The following DOK6 variants were observed in gnomAD, a reference collection of about 807,000 sequenced individuals.
DOK6 encodes docking protein 6.
DOK6 carries 22 observed loss-of-function variants against 44.0 expected under a neutral mutation model. The ratio of observed to expected loss-of-function variants is 0.50; its 90% CI spans 0.36 to 0.71. The LOEUF is 0.71. Among genes scored for constraint, DOK6 ranks in the 30% least tolerant of loss-of-function variants. The pLI is 0.00. For missense variants in DOK6, 340 were observed against 416.4 expected, an observed-to-expected ratio of 0.82 and a Z score of 1.60; for synonymous variants, 166 against 145.5, an observed-to-expected ratio of 1.14 and a Z score of -1.01.
chr18:69,582,416 A>G (rs1983391629), intron 2 of DOK6, among the ~76,000 whole-genome samples: 1 of 152,236 alleles, frequency 6.6e-6, no homozygotes, highest in Admixed American at 6.5e-5. Context: ...GTTAACTTGT[A>G]GATCTCACCT....
chr18:69,748,612 G>A (rs748583449), intron 6 of DOK6, among the ~76,000 whole-genome samples: 16 of 152,086 alleles, frequency 1.1e-4, no homozygotes, highest in Non-Finnish European at 1.8e-4. Context: ...ACCTGCTCCC[G>A]AATGATTTCT....
At chr18:69,607,058 C>A (rs1984018171) in intron 3 of DOK6, among the ~76,000 whole-genome samples, 3 of 151,970 alleles carry the variant, frequency 2.0e-5, no homozygotes, top group Non-Finnish European at 4.4e-5. Flanking sequence ...TTTCCCAAGT[C>A]CCAAAGAGGC....
At chr18:69,605,114 G>GTGTA (rs1555716345) in intron 3 of DOK6, among the ~76,000 whole-genome samples, 1,635 of 148,708 alleles carry the variant, frequency 0.011, 16 homozygotes, top group Middle Eastern at 0.039. Context: ...GTGTGTGTGT[G>GTGTA]TGTGTGTGTG....
chr18:69,609,828 G>A (rs1041754660), intron 3 of DOK6, among the ~76,000 whole-genome samples: 30 of 152,280 alleles, frequency 2.0e-4, no homozygotes, highest in East Asian at 1.3e-3. Flanking sequence ...ACATACAATA[G>A]AGTATTATTC....
chr18:69,597,103 G>A (rs138418410), intron 2 of DOK6, among the ~76,000 whole-genome samples: 216 of 151,676 alleles, frequency 1.4e-3, no homozygotes, highest in African/African-American at 4.5e-3. Flanking sequence ...TGTAATGTTG[G>A]GTTTGTAACA....
intron 2 of DOK6, among the ~76,000 whole-genome samples, chr18:69,589,634 T>C (rs778356882): frequency 1.3e-5 from 2 of 152,132 alleles, no homozygotes; most frequent in African/African-American, 2.4e-5. Flanking sequence ...CCTATTTATG[T>C]ATGTAGTAAA....
chr18:69,590,433 A>C (rs1487303792), intron 2 of DOK6, among the ~76,000 whole-genome samples: 3 of 152,144 alleles, frequency 2.0e-5, no homozygotes, highest in Non-Finnish European at 4.4e-5. Context: ...CGAGATCAGC[A>C]TACTCCAAGT....
intron 2 of DOK6, among the ~76,000 whole-genome samples, chr18:69,584,550 C>T (rs184368897): frequency 1.3e-5 from 2 of 152,270 alleles, no homozygotes; most frequent in Admixed American, 6.5e-5. Context: ...CTTCGGCCTC[C>T]CAAAGTGCTG....
intron 3 of DOK6, among the ~76,000 whole-genome samples, chr18:69,672,010 A>G (rs1985809791): frequency 1.3e-5 from 2 of 152,166 alleles, no homozygotes; most frequent in Admixed American, 1.3e-4. Context: ...TCTGATATTT[A>G]GGGGCTATGA....
At chr18:69,755,378 T>A (rs1473128368) in intron 6 of DOK6, among the ~76,000 whole-genome samples, 2 of 152,178 alleles carry the variant, frequency 1.3e-5, no homozygotes, top group African/African-American at 2.4e-5. Flanking sequence ...TAATTTACCA[T>A]CAATGATCTA....
chr18:69,699,124 A>G (rs769525831), intron 5 of DOK6, among the ~76,000 whole-genome samples: 22 of 152,176 alleles, frequency 1.4e-4, no homozygotes, highest in Non-Finnish European at 2.9e-4. Flanking sequence ...ATCATTATTA[A>G]TAAACACGGA....
chr18:69,709,481 T>A (rs1330044477), intron 5 of DOK6, among the ~76,000 whole-genome samples: 3 of 152,184 alleles, frequency 2.0e-5, no homozygotes, highest in Admixed American at 6.5e-5. Context: ...GTTAAAACTC[T>A]CACAACAAAA....
chr18:69,621,955 G>T (rs1984453292), intron 3 of DOK6, among the ~76,000 whole-genome samples: 1 of 151,994 alleles, frequency 6.6e-6, no homozygotes, highest in Non-Finnish European at 1.5e-5. Context: ...CTTGCTTCTT[G>T]GGAGAACTTA....
chr18:69,821,799 TAA>T (rs1555673048), intron 7 of DOK6, among the ~76,000 whole-genome samples: 33 of 149,250 alleles, frequency 2.2e-4, no homozygotes, highest in Admixed American at 9.3e-4. Context: ...TTTTTTTTTT[TAA>T]AAAAAATCCT....
intron 7 of DOK6, among the ~76,000 whole-genome samples, chr18:69,764,836 G>A (rs73970260): frequency 0.026 from 3,936 of 152,108 alleles, 162 homozygotes; most frequent in African/African-American, 0.088. Context: ...TGTAAAGGTC[G>A]TAGCTTTAGG....
intron 7 of DOK6, among the ~76,000 whole-genome samples, chr18:69,763,577 A>T (rs961353481): frequency 3.3e-4 from 50 of 152,328 alleles, no homozygotes; most frequent in Admixed American, 3.3e-3. Context: ...ACAATCATTT[A>T]AAAAAGAGAA....
At chr18:69,486,772 C>T (rs1056111803) in intron 1 of DOK6, among the ~76,000 whole-genome samples, 8 of 152,062 alleles carry the variant, frequency 5.3e-5, no homozygotes, top group African/African-American at 1.7e-4. Context: ...AATCTTAAAC[C>T]TACCACAGCA....
chr18:69,808,080 A>G (rs1043955341), intron 7 of DOK6, among the ~76,000 whole-genome samples: 13 of 151,930 alleles, frequency 8.6e-5, no homozygotes, highest in African/African-American at 3.1e-4. Context: ...GAGGACTGAA[A>G]TCCTGTCAAG....
At chr18:69,550,772 T>C (rs1461967695) in intron 1 of DOK6, among the ~76,000 whole-genome samples, 12 of 87,098 alleles carry the variant, frequency 1.4e-4, no homozygotes, top group Non-Finnish European at 2.4e-4. Flanking sequence ...TGTTGTTGTT[T>C]CTTTCTTTTT....
Sources: gnomAD v4.1 joint callset for allele counts (sites outside exome capture counted in the v4.1 genomes callset) on GRCh38, gnomAD v4.1.1 for gene constraint, MANE v1.5 for transcripts, NCBI Gene and HGNC (gene_info 2026-07-23, HGNC 2026-07-21) for gene names.